REDIC1: variants seen among roughly 807,000 people sequenced by gnomAD.
REDIC1 encodes regulator of DNA class I crossover intermediates 1.
chr12:39,864,961 C>T, the REDIC1 span: 4 of 1,291,970 alleles, frequency 3.1e-6, no homozygotes, highest in African/African-American at 3.1e-5. Flanking sequence ...AAAAACAAAC[C>T]AAAAAACAAA....
At chr12:39,715,882 C>A in the REDIC1 span, among the ~76,000 whole-genome samples, 1 of 152,014 alleles carries the variant, frequency 6.6e-6, no homozygotes, top group South Asian at 2.1e-4. Flanking sequence ...TAGTGATATT[C>A]TACCCTTCAC....
the REDIC1 span, among the ~76,000 whole-genome samples, chr12:39,667,950 CTA>C: frequency 1.3e-5 from 2 of 152,092 alleles, no homozygotes; most frequent in African/African-American, 4.8e-5. Flanking sequence ...TATTTTGGGC[CTA>C]TGTGTGTCTC....
At chr12:39,799,278 T>C in the REDIC1 span, among the ~76,000 whole-genome samples, 28 of 89,758 alleles carry the variant, frequency 3.1e-4, no homozygotes, top group East Asian at 1.2e-3. Context: ...TTTTTTTTTT[T>C]CCTGTGCTTT....
At chr12:39,798,117 A>G in the REDIC1 span, among the ~76,000 whole-genome samples, 4,821 of 152,290 alleles carry the variant, frequency 0.032, 246 homozygotes, top group African/African-American at 0.11. Context: ...GAGGACAGCC[A>G]AGCTGCCCAA....
the REDIC1 span, among the ~76,000 whole-genome samples, chr12:39,643,194 G>C: frequency 6.6e-6 from 1 of 151,468 alleles, no homozygotes; most frequent in Non-Finnish European, 1.5e-5. Context: ...CAATAAGAAA[G>C]AATAATAACA....
At chr12:39,865,684 T>A in the REDIC1 span, among the ~76,000 whole-genome samples, 1 of 152,210 alleles carries the variant, frequency 6.6e-6, no homozygotes, top group African/African-American at 2.4e-5. Flanking sequence ...TATGATGGAA[T>A]ACTATGCAGC....
At chr12:39,873,642 G>A in the REDIC1 span, among the ~76,000 whole-genome samples, 1 of 151,778 alleles carries the variant, frequency 6.6e-6, no homozygotes, top group African/African-American at 2.4e-5. Context: ...TAGAGGCAGG[G>A]GAAAATTAAA....
At chr12:39,889,472 T>C in the REDIC1 span, among the ~76,000 whole-genome samples, 1,774 of 151,928 alleles carry the variant, frequency 0.012, 22 homozygotes, top group Middle Eastern at 0.034. Flanking sequence ...GGTAGTCATA[T>C]ACTATTATAC....
At chr12:39,839,088 C>G in the REDIC1 span, among the ~76,000 whole-genome samples, 1 of 152,178 alleles carries the variant, frequency 6.6e-6, no homozygotes, top group African/African-American at 2.4e-5. Context: ...CTCTCTTTCC[C>G]CTAACAGCTA....
chr12:39,660,918 T>G, the REDIC1 span, among the ~76,000 whole-genome samples: 7 of 152,130 alleles, frequency 4.6e-5, no homozygotes, highest in African/African-American at 1.7e-4. Flanking sequence ...GTACATGTGC[T>G]ATTTGTCTTT....
chr12:39,640,858 A>C, the REDIC1 span: 3 of 798,808 alleles, frequency 3.8e-6, no homozygotes, highest in Non-Finnish European at 6.1e-6. Context: ...CTACACTTTT[A>C]GATTTTAACT....
the REDIC1 span, among the ~76,000 whole-genome samples, chr12:39,695,115 T>G: frequency 6.6e-6 from 1 of 152,088 alleles, no homozygotes; most frequent in Admixed American, 6.5e-5. Flanking sequence ...GGGACTGCAT[T>G]GAGGGCCTTG....
the REDIC1 span, among the ~76,000 whole-genome samples, chr12:39,777,172 C>G: frequency 1.3e-5 from 2 of 152,186 alleles, no homozygotes; most frequent in Non-Finnish European, 2.9e-5. Flanking sequence ...TTTCTTCCCG[C>G]TTCCTTTTAT....
the REDIC1 span, among the ~76,000 whole-genome samples, chr12:39,769,466 A>T: frequency 3.3e-5 from 5 of 151,996 alleles, no homozygotes; most frequent in African/African-American, 1.2e-4. Context: ...TTGAACATCA[A>T]TTTTTCTCTA....
the REDIC1 span, among the ~76,000 whole-genome samples, chr12:39,679,853 C>T: frequency 6.6e-6 from 1 of 152,130 alleles, no homozygotes; most frequent in African/African-American, 2.4e-5. Flanking sequence ...TTAAAGTCAA[C>T]TGATCTTCGA....
the REDIC1 span, among the ~76,000 whole-genome samples, chr12:39,783,314 A>G: frequency 4.6e-5 from 7 of 152,216 alleles, no homozygotes; most frequent in Non-Finnish European, 8.8e-5. Flanking sequence ...TATTGTGAAT[A>G]GTGCCGCAAT....
chr12:39,862,469 C>A, the REDIC1 span, among the ~76,000 whole-genome samples: 2 of 152,192 alleles, frequency 1.3e-5, no homozygotes, highest in African/African-American at 4.8e-5. Context: ...AGAACCATAT[C>A]ACTTTCTAAA....
the REDIC1 span, chr12:39,682,881 T>C: frequency 1.2e-6 from 2 of 1,612,688 alleles, no homozygotes; most frequent in Non-Finnish European, 1.7e-6. Flanking sequence ...AGAAAACATT[T>C]AACAAGTGTG....
At chr12:39,762,446 C>T in the REDIC1 span, among the ~76,000 whole-genome samples, 1 of 122,210 alleles carries the variant, frequency 8.2e-6, no homozygotes, top group Non-Finnish European at 1.8e-5. Context: ...TGACATAATG[C>T]CCCCCAAGGG....
Sources: allele counts gnomAD v4.1 joint callset (sites outside exome capture counted in the v4.1 genomes callset), GRCh38; gene constraint gnomAD v4.1.1; transcripts MANE v1.5; gene names NCBI Gene and HGNC (gene_info 2026-07-23, HGNC 2026-07-21).